MINDY4: variants seen among roughly 807,000 people sequenced by gnomAD.
The protein encoded by MINDY4 is MINDY lysine 48 deubiquitinase 4, also known as probable ubiquitin carboxyl-terminal hydrolase MINDY-4.
In MINDY4, 68 loss-of-function variants were observed where a neutral mutation model predicts 87.0. The observed-to-expected ratio is 0.78, with a 90% CI of 0.64 to 0.96. The LOEUF is 0.96. Ranked by LOEUF, MINDY4 falls within the 40% of genes least tolerant of loss-of-function variation. MINDY4 has a pLI of 0.00. For missense variants in MINDY4, 919 were observed against 928.2 expected (o/e 0.99, Z 0.13); for synonymous variants, 379 against 363.2 (o/e 1.04, Z -0.50).
At chr7:30,885,220 C>G (rs1790592855) in intron 17 of MINDY4, among the ~76,000 whole-genome samples, 1 of 152,240 alleles carries the variant, frequency 6.6e-6, no homozygotes, top group Non-Finnish European at 1.5e-5. Flanking sequence ...TCAGGGGCAT[C>G]AGAGTCACCT....
chr7:30,822,790 T>C (rs1383384419), intron 5 of MINDY4, among the ~76,000 whole-genome samples: 1 of 151,786 alleles, frequency 6.6e-6, no homozygotes, highest in African/African-American at 2.4e-5. Context: ...CATGCACCAC[T>C]ACACTTGGCT....
At chr7:30,828,782 G>A in intron 6 of MINDY4, 45 bp downstream of exon 6, 1 of 1,598,160 alleles carries the variant, frequency 6.3e-7, no homozygotes, top group African/African-American at 1.3e-5. Context: ...CAGGGCCCAA[G>A]GGGTCCTCGT....
chr7:30,887,678 T>A lies in MINDY4; in HGVS notation c.2226-4279T>A, dbSNP rs1225181407. ...AACAGCTGGCCTGGTGGGGGTCGTG[T>A]TCATGCAGCAGCACCCCCACCTGCC... is the stretch of plus-strand genomic sequence containing the variant. On this transcript the variant is annotated intron_variant, in intron 17 of 17. Transcript: ENST00000265299. Among the ~76,000 whole-genome samples, 7 of 152,306 alleles carry A rather than the reference T, an allele frequency of 4.6e-5. No homozygotes were observed. The East Asian group carries it at 9.7e-4, about 21-fold the overall frequency.
chr7:30,875,378 C>G, intron 14 of MINDY4, 117 bp from the exon 15 acceptor site: 8 of 1,146,710 alleles, frequency 7.0e-6, no homozygotes, highest in Admixed American at 5.1e-5. Flanking sequence ...CTCTCAGGCT[C>G]TCTCCCTCCT....
chr7:30,818,733 G>A (rs1788236834), intron 5 of MINDY4, among the ~76,000 whole-genome samples: 1 of 152,110 alleles, frequency 6.6e-6, no homozygotes, highest in Admixed American at 6.5e-5. Flanking sequence ...TGGAAATGGG[G>A]GTGAATTTTA....
intron 17 of MINDY4, 71 bp downstream of exon 17, chr7:30,883,064 C>A: frequency 6.9e-7 from 1 of 1,452,008 alleles, no homozygotes; most frequent in South Asian, 1.2e-5. Context: ...TGGGGGTGGT[C>A]AGGCCTGCAG....
chr7:30,821,675 T>C (rs891503442), intron 5 of MINDY4, among the ~76,000 whole-genome samples: 2 of 152,202 alleles, frequency 1.3e-5, no homozygotes, highest in African/African-American at 4.8e-5. Context: ...TATTCTTTCA[T>C]TCTGGAGCTT....
rs528179503 is a variant in MINDY4, at chr7:30,774,174, T to C, written c.63+2618T>C. Among the ~76,000 whole-genome samples the C allele has an allele frequency of 5.8e-4, 88 of 152,342 alleles. 1 individual carries two copies. The South Asian group carries it at 8.9e-3, about 15-fold the overall frequency. On this transcript the variant is annotated intron_variant, in intron 1 of 17. Transcript: ENST00000265299. ...CCCTGGATGACCATTTCATACCTTC[T>C]CTCTCTTCAAACCCTGAAGCTCCTT...
Position 30,774,945 on chromosome 7 carries a change from A to G in MINDY4, c.63+3389A>G, listed in dbSNP as rs370187246. Among the ~76,000 whole-genome samples, 42 of 152,162 alleles carry G rather than the reference A, an allele frequency of 2.8e-4. No homozygotes were observed. In the South Asian group the frequency reaches 4.2e-3, roughly 15 times the overall value. Reference sequence around the variant, plus strand: ...ATATGCTGACAATTCCCAAATGTCTATCTCTAGCTGAGACCTCTCCTTGAA... The same window carrying G: ...ATATGCTGACAATTCCCAAATGTCTGTCTCTAGCTGAGACCTCTCCTTGAA... On this transcript the variant is annotated intron_variant, in intron 1 of 17. Transcript: ENST00000265299.
intron 15 of MINDY4, among the ~76,000 whole-genome samples, chr7:30,877,770 CA>C (rs1335792294): frequency 4.3e-5 from 6 of 138,146 alleles, no homozygotes; most frequent in Non-Finnish European, 9.3e-5. Flanking sequence ...CTCCTCTGTT[CA>C]AGCAATTCTT....
At chr7:30,859,901 C>G (rs1299865194) in intron 13 of MINDY4, among the ~76,000 whole-genome samples, 1 of 152,280 alleles carries the variant, frequency 6.6e-6, no homozygotes, top group Admixed American at 6.5e-5. Flanking sequence ...AACATGGTCC[C>G]CAGCCTGCTC....
intron 12 of MINDY4, chr7:30,858,861 A>T: frequency 2.5e-6 from 1 of 392,902 alleles, no homozygotes; most frequent in Non-Finnish European, 5.1e-6. Flanking sequence ...TCAGTTTCTG[A>T]GCCTCAGTTC....
At chr7:30,869,017 G>C (rs2128577485) in intron 13 of MINDY4, among the ~76,000 whole-genome samples, 1 of 152,316 alleles carries the variant, frequency 6.6e-6, no homozygotes, top group Middle Eastern at 3.4e-3. Context: ...TGAAATCCCA[G>C]CAAGCTCTGC....
chr7:30,881,125 G>C (rs1259143322), intron 15 of MINDY4, among the ~76,000 whole-genome samples: 2 of 152,290 alleles, frequency 1.3e-5, no homozygotes, highest in African/African-American at 2.4e-5. Context: ...GCCAGAATCA[G>C]CCTGGCCCGT....
At chr7:30,785,240 T>G (rs902719719) in intron 3 of MINDY4, among the ~76,000 whole-genome samples, 1 of 147,804 alleles carries the variant, frequency 6.8e-6, no homozygotes, top group African/African-American at 2.6e-5. Flanking sequence ...TTGTTCTTTC[T>G]TGCTCTCTTA....
At chr7:30,775,290 A>G (rs1786775398) in intron 1 of MINDY4, among the ~76,000 whole-genome samples, 2 of 152,108 alleles carry the variant, frequency 1.3e-5, no homozygotes, top group South Asian at 4.1e-4. Context: ...GAGGGTTCCC[A>G]CAACCCCCTC....
At chr7:30,828,140 A>T (rs186219525) in intron 5 of MINDY4, among the ~76,000 whole-genome samples, 61 of 152,290 alleles carry the variant, frequency 4.0e-4, no homozygotes, top group Admixed American at 2.0e-3. Context: ...TCACAGGGCA[A>T]TGTTTTAAGT....
chr7:30,781,613 C>T (rs1480335974), intron 2 of MINDY4: 2 of 194,732 alleles, frequency 1.0e-5, no homozygotes, highest in African/African-American at 4.8e-5. Context: ...TCCCTACAGA[C>T]TCCGTTTTTT....
At chr7:30,853,569 T>C in intron 12 of MINDY4, 110 bp downstream of exon 12, 1 of 985,072 alleles carries the variant, frequency 1.0e-6, no homozygotes, top group Non-Finnish European at 1.6e-6. Flanking sequence ...CACCCTGGGA[T>C]GGCGAGGAAG....
Sources: gnomAD v4.1 joint callset for allele counts (sites outside exome capture counted in the v4.1 genomes callset) on GRCh38, gnomAD v4.1.1 for gene constraint, MANE v1.5 for transcripts, NCBI Gene and HGNC (gene_info 2026-07-23, HGNC 2026-07-21) for gene names.